The following RGS5 variants were observed in gnomAD, a reference collection of about 807,000 sequenced individuals.
RGS5 encodes regulator of G protein signaling 5, also known as regulator of G-protein signalling 5.
A neutral mutation model predicts 18.9 loss-of-function variants in RGS5; 20 were observed. The observed-to-expected ratio is 1.06, with a 90% CI of 0.74 to 1.54. The LOEUF (loss-of-function observed/expected upper bound fraction) is 1.54, where lower values mean the gene tolerates loss of function less well. RGS5 is among the 40% of genes most tolerant of loss of function. RGS5 has a pLI of 0.00. For missense variants in RGS5, 201 were observed against 211.8 expected (o/e 0.95, Z 0.32); for synonymous variants, 57 against 76.2 (o/e 0.75, Z 1.31).
chr1:163,305,403 G>A (rs1649669661), intron 2 of RGS5: 1 of 152,500 alleles, frequency 6.6e-6, no homozygotes, highest in African/African-American at 2.4e-5. Flanking sequence ...TTTTCCGTGT[G>A]GGGGTTCCCT....
At chr1:163,150,829 C>T (rs1267296644) in intron 4 of RGS5, among the ~76,000 whole-genome samples, 1 of 152,102 alleles carries the variant, frequency 6.6e-6, no homozygotes, top group East Asian at 1.9e-4. Context: ...TTTAGGGTAA[C>T]TCATAACTAA....
At chr1:163,209,137 AGG>A (rs1660038643) in intron 1 of RGS5, among the ~76,000 whole-genome samples, 1 of 152,190 alleles carries the variant, frequency 6.6e-6, no homozygotes, top group Admixed American at 6.5e-5. Flanking sequence ...AAAACCAAAA[AGG>A]CCCTTCCTCC....
At chr1:163,168,996 A>G (rs987527352) in intron 1 of RGS5, among the ~76,000 whole-genome samples, 11 of 149,668 alleles carry the variant, frequency 7.3e-5, no homozygotes, top group Non-Finnish European at 1.2e-4. Flanking sequence ...ATATCTCCCA[A>G]TGCTATCCCT....
At chr1:163,196,844 T>C (rs1413554398) in intron 1 of RGS5, among the ~76,000 whole-genome samples, 1 of 152,164 alleles carries the variant, frequency 6.6e-6, no homozygotes, top group African/African-American at 2.4e-5. Flanking sequence ...ATGTCAACAC[T>C]GATACTGTTC....
chr1:163,253,714 T>C (rs886939246), intron 2 of RGS5, among the ~76,000 whole-genome samples: 4 of 151,970 alleles, frequency 2.6e-5, no homozygotes, highest in African/African-American at 4.8e-5. Context: ...GTTAGTTACA[T>C]ATGTATACAT....
chr1:163,302,077 AT>A (rs1408706562), intron 2 of RGS5, among the ~76,000 whole-genome samples: 1 of 151,444 alleles, frequency 6.6e-6, no homozygotes, highest in Non-Finnish European at 1.5e-5. Flanking sequence ...AAAGAAAAAT[AT>A]TTTGAAAAAC....
At chr1:163,216,269 T>C (rs1660214861) in intron 1 of RGS5, among the ~76,000 whole-genome samples, 1 of 152,142 alleles carries the variant, frequency 6.6e-6, no homozygotes, top group East Asian at 1.9e-4. Context: ...TTTGCTATCC[T>C]GAAGACTTGC....
At chr1:163,276,726 T>A (rs1297695493) in intron 2 of RGS5, among the ~76,000 whole-genome samples, 1 of 152,182 alleles carries the variant, frequency 6.6e-6, no homozygotes, top group Non-Finnish European at 1.5e-5. Flanking sequence ...ACAAGATGAA[T>A]CTGAGGCCAG....
chr1:163,189,168 T>C (rs1287266184), intron 1 of RGS5, among the ~76,000 whole-genome samples: 1 of 152,090 alleles, frequency 6.6e-6, no homozygotes, highest in Non-Finnish European at 1.5e-5. Context: ...ATGCTGTGGG[T>C]AAGAAAGCAC....
chr1:163,256,834 G>A (rs558505517), intron 2 of RGS5, among the ~76,000 whole-genome samples: 14 of 152,304 alleles, frequency 9.2e-5, no homozygotes, highest in African/African-American at 2.6e-4. Flanking sequence ...AGTGATGAGG[G>A]TGGGTAAGGA....
rs561848633 is a variant in RGS5, at chr1:163,195,789, G to A, written c.44+7003C>T. On this transcript the variant is annotated intron_variant, in intron 1 of 4. Coordinates refer to ENST00000313961, the MANE Select transcript of RGS5 (RefSeq NM_003617.4). ...TGTTTCCTTCACTGCCTACAAAGGG[G>A]AAAAGAGAGATAAAAGGAAAATAAT... Among the ~76,000 whole-genome samples the A allele has an allele frequency of 7.2e-5, 11 of 152,052 alleles. No homozygotes were observed. The South Asian group carries it at 2.3e-3, about 32-fold the overall frequency.
At chr1:163,148,289 C>T (rs895353864) in intron 4 of RGS5, among the ~76,000 whole-genome samples, 2 of 152,072 alleles carry the variant, frequency 1.3e-5, no homozygotes, top group African/African-American at 4.8e-5. Context: ...AGGAATTGAA[C>T]AGAGAGAAGT....
chr1:163,203,296 G>T (rs529259189), upstream of RGS5, among the ~76,000 whole-genome samples: 1 of 152,244 alleles, frequency 6.6e-6, no homozygotes, highest in South Asian at 2.1e-4. Flanking sequence ...CCTGGAGATC[G>T]TTTAGCCCAC....
chr1:163,234,945 A>G (rs1647584371), intron 2 of RGS5, among the ~76,000 whole-genome samples: 1 of 152,186 alleles, frequency 6.6e-6, no homozygotes, highest in African/African-American at 2.4e-5. Flanking sequence ...TGGAGGTAGA[A>G]GCTACAAGAT....
At chr1:163,251,137 A>G (rs369719823) in intron 2 of RGS5, among the ~76,000 whole-genome samples, 236 of 152,276 alleles carry the variant, frequency 1.5e-3, no homozygotes, top group African/African-American at 5.3e-3. Flanking sequence ...CATTTATGTA[A>G]GACAATGCAA....
intron 1 of RGS5, among the ~76,000 whole-genome samples, chr1:163,176,787 C>A (rs1658581102): frequency 6.6e-6 from 1 of 152,086 alleles, no homozygotes; most frequent in South Asian, 2.1e-4. Flanking sequence ...AGATAAGGTC[C>A]TCTCATTGAG....
At chr1:163,213,475 A>T (rs1389540323) in intron 1 of RGS5, among the ~76,000 whole-genome samples, 1 of 152,124 alleles carries the variant, frequency 6.6e-6, no homozygotes, top group Non-Finnish European at 1.5e-5. Flanking sequence ...TGCTAACTTG[A>T]TGATGGATCT....
At chr1:163,285,327 G>C (rs1649114679) in intron 2 of RGS5, among the ~76,000 whole-genome samples, 1 of 152,152 alleles carries the variant, frequency 6.6e-6, no homozygotes, top group Admixed American at 6.5e-5. Context: ...GGCCAAGACA[G>C]GTGGATCACT....
chr1:163,213,107 G>A (rs1331305289), intron 1 of RGS5: 5 of 152,084 alleles, frequency 3.3e-5, no homozygotes, highest in African/African-American at 1.2e-4. Context: ...CCCTTTTGCT[G>A]TACATAGTTA....
Sources: allele counts gnomAD v4.1 joint callset (sites outside exome capture counted in the v4.1 genomes callset), GRCh38; gene constraint gnomAD v4.1.1; transcripts MANE v1.5; gene names NCBI Gene and HGNC (gene_info 2026-07-23, HGNC 2026-07-21).